Variants in LSAMP observed in about 807,000 individuals in gnomAD.
LSAMP encodes the protein limbic system-associated membrane protein.
A neutral mutation model predicts 38.6 loss-of-function variants in LSAMP; 7 were observed. The ratio of observed to expected loss-of-function variants is 0.18; its 90% CI spans 0.10 to 0.34. The LOEUF is 0.34. Ranked by LOEUF, LSAMP falls within the 10% of genes least tolerant of loss-of-function variation. The pLI is 1.00. For missense variants in LSAMP, 313 were observed against 420.0 expected (o/e 0.75, Z 2.23); for synonymous variants, 154 against 166.8 (o/e 0.92, Z 0.59).
At chr3:116,257,510 A>T (rs76341257) in intron 1 of LSAMP, among the ~76,000 whole-genome samples, 1,655 of 152,282 alleles carry the variant, frequency 0.011, 25 homozygotes, top group African/African-American at 0.036. Context: ...CAGTTTTATG[A>T]AACAAATTTG....
chr3:116,000,214 T>G (rs1939951393), intron 3 of LSAMP, among the ~76,000 whole-genome samples: 2 of 152,140 alleles, frequency 1.3e-5, no homozygotes, highest in South Asian at 4.1e-4. Flanking sequence ...AATCTATGAT[T>G]TATACACTCC....
At chr3:115,810,655 C>A (rs1933795412) in intron 6 of LSAMP, among the ~76,000 whole-genome samples, 1 of 152,210 alleles carries the variant, frequency 6.6e-6, no homozygotes, top group African/African-American at 2.4e-5. Flanking sequence ...AATGCTTTTG[C>A]CGGGTAAGTC....
intron 1 of LSAMP, among the ~76,000 whole-genome samples, chr3:116,372,749 A>G (rs2048445623): frequency 1.3e-5 from 2 of 151,822 alleles, no homozygotes; most frequent in African/African-American, 4.8e-5. Context: ...TTATCTAAAG[A>G]AGACACAGAA....
chr3:115,852,203 G>A (rs1351788968), intron 4 of LSAMP, among the ~76,000 whole-genome samples: 3 of 152,182 alleles, frequency 2.0e-5, no homozygotes, highest in Non-Finnish European at 2.9e-5. Context: ...CATAGTGACC[G>A]CCAGCAATGT....
At chr3:116,277,469 C>T (rs1559810158) in intron 1 of LSAMP, among the ~76,000 whole-genome samples, 2 of 151,736 alleles carry the variant, frequency 1.3e-5, no homozygotes, top group Admixed American at 6.6e-5. Context: ...CCCAGGTGCA[C>T]GCAATTTCTC....
intron 1 of LSAMP, among the ~76,000 whole-genome samples, chr3:116,301,155 G>C (rs990905987): frequency 6.6e-6 from 1 of 152,026 alleles, no homozygotes; most frequent in Non-Finnish European, 1.5e-5. Flanking sequence ...GATCATTTTA[G>C]TGTAAATATG....
intron 3 of LSAMP, among the ~76,000 whole-genome samples, chr3:115,930,757 G>A (rs919386949): frequency 6.8e-6 from 1 of 147,088 alleles, no homozygotes; most frequent in African/African-American, 2.7e-5. Flanking sequence ...TTTGGGAGAT[G>A]AGAGGAGATT....
chr3:116,025,699 G>C (rs1267012678), intron 2 of LSAMP, among the ~76,000 whole-genome samples: 1 of 151,910 alleles, frequency 6.6e-6, no homozygotes, highest in Non-Finnish European at 1.5e-5. Flanking sequence ...ATGATGTAAA[G>C]TGCATATACT....
chr3:116,287,093 T>G (rs976921073), intron 1 of LSAMP, among the ~76,000 whole-genome samples: 2 of 152,146 alleles, frequency 1.3e-5, no homozygotes, highest in Non-Finnish European at 2.9e-5. Flanking sequence ...AGCGCTTTCT[T>G]GGAAGGTTTA....
At chr3:115,946,598 A>G (rs13095740) in intron 3 of LSAMP, among the ~76,000 whole-genome samples, 37,283 of 152,174 alleles carry the variant, frequency 0.25, 5,222 homozygotes, top group East Asian at 0.53. Context: ...AATACCAGAA[A>G]TTCTAAATAG....
chr3:116,330,552 C>T (rs1054387152), intron 1 of LSAMP, among the ~76,000 whole-genome samples: 1 of 152,170 alleles, frequency 6.6e-6, no homozygotes, highest in South Asian at 2.1e-4. Context: ...GCATGCTCCC[C>T]CCCCCACAAC....
chr3:116,287,496 T>C (rs1214631193), intron 1 of LSAMP, among the ~76,000 whole-genome samples: 1 of 152,148 alleles, frequency 6.6e-6, no homozygotes, highest in Non-Finnish European at 1.5e-5. Flanking sequence ...TTTATTCCTT[T>C]TTGTGTGTGT....
intron 1 of LSAMP, among the ~76,000 whole-genome samples, chr3:116,346,327 C>CTTTTTTTTTTT (rs11391341): frequency 7.0e-6 from 1 of 142,274 alleles, no homozygotes. Flanking sequence ...TTAGTTTTAT[C>CTTTTTTTTTTT]TTTTTTTTTT....
chr3:115,939,582 T>C (rs1297136985), intron 3 of LSAMP, among the ~76,000 whole-genome samples: 3 of 138,440 alleles, frequency 2.2e-5, no homozygotes. Flanking sequence ...CTTTCTTTCT[T>C]TCTGTTAAGA....
chr3:116,434,639 G>T (rs1215937742), intron 1 of LSAMP, among the ~76,000 whole-genome samples: 2 of 152,076 alleles, frequency 1.3e-5, no homozygotes, highest in African/African-American at 2.4e-5. Flanking sequence ...CTGAAACTCT[G>T]CCTCCCAGGT....
At chr3:115,835,404 G>A (rs1934751145) in intron 6 of LSAMP, among the ~76,000 whole-genome samples, 1 of 152,156 alleles carries the variant, frequency 6.6e-6, no homozygotes, top group African/African-American at 2.4e-5. Context: ...ATTTAAGGTG[G>A]CCTTCATTTA....
intron 6 of LSAMP, among the ~76,000 whole-genome samples, chr3:115,839,445 G>C (rs1177830627): frequency 3.3e-5 from 5 of 152,014 alleles, no homozygotes. Flanking sequence ...GTGGTGGGTG[G>C]GTGGATGGGT....
At chr3:116,047,868 A>G (rs183916390) in intron 2 of LSAMP, among the ~76,000 whole-genome samples, 1 of 152,320 alleles carries the variant, frequency 6.6e-6, no homozygotes, top group Admixed American at 6.5e-5. Context: ...GCATCACCTC[A>G]CATAGTCATC....
intron 3 of LSAMP, among the ~76,000 whole-genome samples, chr3:115,963,834 G>A (rs1261517314): frequency 3.3e-5 from 5 of 152,072 alleles, no homozygotes; most frequent in African/African-American, 1.2e-4. Context: ...GCTCACTGCA[G>A]CCTTGCCCTC....
Sources: gnomAD v4.1 joint callset for allele counts (sites outside exome capture counted in the v4.1 genomes callset) on GRCh38, gnomAD v4.1.1 for gene constraint, MANE v1.5 for transcripts, NCBI Gene and HGNC (gene_info 2026-07-23, HGNC 2026-07-21) for gene names.